Variants in EML4 observed in about 807,000 individuals in gnomAD.
EML4 encodes the protein echinoderm microtubule-associated protein-like 4.
Under a neutral mutation model 129.0 loss-of-function variants are expected in EML4, and 72 were observed. The observed-to-expected ratio is 0.56, with a 90% CI of 0.46 to 0.68. The LOEUF (loss-of-function observed/expected upper bound fraction) is 0.68. Among genes scored for constraint, EML4 ranks in the 30% least tolerant of loss-of-function variants. The probability of loss-of-function intolerance (pLI) is 0.00; values close to 1 mark genes in which losing one functional copy is unlikely to be tolerated. For missense variants in EML4, 1,363 were observed against 1,190.6 expected (o/e 1.14, Z -2.13); for synonymous variants, 532 against 405.0 (o/e 1.31, Z -3.77).
intron 2 of EML4, among the ~76,000 whole-genome samples, chr2:42,252,517 A>G (rs1675845266): frequency 6.6e-6 from 1 of 151,926 alleles, no homozygotes; most frequent in South Asian, 2.1e-4. Flanking sequence ...TCAGCTTAAA[A>G]CCCTTTAGTG....
At chr2:42,318,996 A>G (rs542656545) in intron 19 of EML4, among the ~76,000 whole-genome samples, 2 of 152,162 alleles carry the variant, frequency 1.3e-5, no homozygotes, top group Admixed American at 1.3e-4. Flanking sequence ...GAGCCACTGC[A>G]CCTGTCCGGT....
At chr2:42,317,896 C>A (rs1176874494) in intron 19 of EML4, among the ~76,000 whole-genome samples, 2 of 152,178 alleles carry the variant, frequency 1.3e-5, no homozygotes, top group East Asian at 1.9e-4. Flanking sequence ...CCTACAACAT[C>A]CTATATCACT....
chr2:42,224,029 G>GT (rs1186561792), intron 1 of EML4, among the ~76,000 whole-genome samples: 1 of 151,958 alleles, frequency 6.6e-6, no homozygotes, highest in African/African-American at 2.4e-5. Context: ...TTGAATGAGG[G>GT]TTTTTTTGTT....
At chr2:42,192,529 C>T (rs907076994) in intron 1 of EML4, among the ~76,000 whole-genome samples, 24 of 152,192 alleles carry the variant, frequency 1.6e-4, no homozygotes, top group African/African-American at 5.3e-4. Flanking sequence ...CATCAGCCAC[C>T]GTGCCCAGCC....
intron 3 of EML4, among the ~76,000 whole-genome samples, chr2:42,256,972 G>T (rs991185495): frequency 6.6e-6 from 1 of 152,198 alleles, no homozygotes; most frequent in Non-Finnish European, 1.5e-5. Context: ...TGATATATTT[G>T]ATACAGCATT....
At chr2:42,218,838 TA>T (rs1331566975) in intron 1 of EML4, among the ~76,000 whole-genome samples, 1 of 152,190 alleles carries the variant, frequency 6.6e-6, no homozygotes, top group African/African-American at 2.4e-5. Flanking sequence ...TTTCTTTTTT[TA>T]ATTTTAAAGA....
intron 1 of EML4, among the ~76,000 whole-genome samples, chr2:42,230,073 TTCTTA>T (rs1457318097): frequency 6.6e-6 from 1 of 151,970 alleles, no homozygotes; most frequent in Non-Finnish European, 1.5e-5. Flanking sequence ...ATAAAGGGGG[TTCTTA>T]TCTTCTAAAG....
chr2:42,301,548 A>G (rs1365273520), intron 14 of EML4, among the ~76,000 whole-genome samples, 156 bp downstream of exon 14: 1 of 152,026 alleles, frequency 6.6e-6, no homozygotes, highest in Non-Finnish European at 1.5e-5. Flanking sequence ...CCTTTAAGAT[A>G]ACTTTTTTCA....
At chr2:42,301,096 A>C in intron 13 of EML4, 145 bp from the exon 14 acceptor site, 1 of 626,828 alleles carries the variant, frequency 1.6e-6, no homozygotes, top group Admixed American at 3.7e-5. Context: ...CTTTGCACAA[A>C]AGACTTGCTG....
intron 1 of EML4, among the ~76,000 whole-genome samples, chr2:42,223,913 T>G (rs1156928120): frequency 2.0e-5 from 3 of 152,164 alleles, no homozygotes; most frequent in African/African-American, 7.2e-5. Flanking sequence ...CACATACTAA[T>G]AATACCACTA....
chr2:42,219,742 G>T (rs921783379), intron 1 of EML4, among the ~76,000 whole-genome samples: 1 of 151,692 alleles, frequency 6.6e-6, no homozygotes, highest in Non-Finnish European at 1.5e-5. Context: ...ACATGGTGAA[G>T]CCCCATCTCT....
In EML4 at chr2:42,261,313, T is replaced by G; in HGVS notation, c.512+19T>G. 1 of 1,601,738 alleles carries G rather than the reference T, an allele frequency of 6.2e-7. No homozygotes were observed. Among genetic ancestry groups the G allele is most frequent in the South Asian group, 1.1e-5 (1 of 89,466 alleles). On this transcript the variant is annotated intron_variant, in intron 4 of 22. Coordinates refer to ENST00000318522, the MANE Select transcript of EML4 (RefSeq NM_019063.5). The stretch of plus-strand genomic sequence containing the variant: ...CCAAAAGGTTTTAACTGTCCCCAAG[T>G]ACAGAGCTAGGGAATGGTTGTAATG...
chr2:42,291,549 G>A (rs182007050), intron 11 of EML4, among the ~76,000 whole-genome samples: 36 of 152,028 alleles, frequency 2.4e-4, no homozygotes, highest in Non-Finnish European at 3.8e-4. Flanking sequence ...GATTACAGGC[G>A]TGTGCCACCA....
chr2:42,312,408 C>A (rs1348412059), intron 17 of EML4, among the ~76,000 whole-genome samples: 3 of 152,092 alleles, frequency 2.0e-5, no homozygotes, highest in Non-Finnish European at 4.4e-5. Flanking sequence ...ATTAATACAG[C>A]CCTTAAGTCT....
At chr2:42,216,538 G>A (rs1438837077) in intron 1 of EML4, among the ~76,000 whole-genome samples, 1 of 152,006 alleles carries the variant, frequency 6.6e-6, no homozygotes, top group African/African-American at 2.4e-5. Flanking sequence ...ACCAGGCCCG[G>A]CCCATTTCTT....
Position 42,328,971 on chromosome 2 carries a change from CTT to C in EML4, c.2430_2431del (p.Phe810LeufsTer2). On this transcript the variant is annotated frameshift_variant, in exon 22 of 23. Coordinates refer to ENST00000318522, the MANE Select transcript of EML4 (RefSeq NM_019063.5). LOFTEE classifies it high-confidence loss of function. Reference sequence around the variant, plus strand: ...GAAAGGTGATAGCTGTTGCCGATGACTTTTGTAAAGTCCATCTGTTTCAGTAT... The same window carrying C: ...GAAAGGTGATAGCTGTTGCCGATGACTTGTAAAGTCCATCTGTTTCAGTAT... ...NRKVIAVADD[F>X]CKVHLFQYPC... The C allele has an allele frequency of 6.2e-7, 1 of 1,613,312 alleles. No individual in the cohort carries two copies. Among genetic ancestry groups the C allele is most frequent in the Non-Finnish European group, 8.5e-7 (1 of 1,179,882 alleles).
intron 19 of EML4, among the ~76,000 whole-genome samples, chr2:42,323,781 A>C (rs571753475): frequency 2.7e-3 from 404 of 150,716 alleles, no homozygotes; most frequent in Non-Finnish European, 4.4e-3. Context: ...CAAAAAAAAA[A>C]AAACAAACAA....
chr2:42,201,413 G>A (rs570279266), intron 1 of EML4, among the ~76,000 whole-genome samples: 3 of 152,320 alleles, frequency 2.0e-5, no homozygotes, highest in African/African-American at 7.2e-5. Flanking sequence ...TTTTTAGCTT[G>A]ATTTAGGAAG....
chr2:42,196,924 A>G (rs1028516173), intron 1 of EML4, among the ~76,000 whole-genome samples: 2 of 152,184 alleles, frequency 1.3e-5, no homozygotes, highest in African/African-American at 4.8e-5. Flanking sequence ...AGATTAGTGT[A>G]AGAGTGCCCC....
Sources: gnomAD v4.1 joint callset for allele counts (sites outside exome capture counted in the v4.1 genomes callset) on GRCh38, gnomAD v4.1.1 for gene constraint, MANE v1.5 for transcripts, NCBI Gene and HGNC (gene_info 2026-07-23, HGNC 2026-07-21) for gene names.